ARID5A: variants seen among roughly 807,000 people sequenced by gnomAD.
ARID5A encodes the protein AT-rich interactive domain-containing protein 5A.
Under a neutral mutation model 30.5 loss-of-function variants are expected in ARID5A, and 14 were observed. The ratio of observed to expected loss-of-function variants is 0.46; its 90% CI spans 0.30 to 0.72. The LOEUF (loss-of-function observed/expected upper bound fraction) is 0.72, where lower values mean the gene tolerates loss of function less well. Ranked by LOEUF, ARID5A falls within the 30% of genes least tolerant of loss-of-function variation. The pLI, the probability that ARID5A is intolerant of heterozygous loss-of-function variation, is 0.07. For synonymous variants in ARID5A, 338 were observed against 340.4 expected (o/e 0.99, Z 0.08); for missense variants, 669 against 786.2 (o/e 0.85, Z 1.78).
intron 1 of ARID5A, among the ~76,000 whole-genome samples, chr2:96,543,687 C>G (rs1215087514): frequency 6.6e-6 from 1 of 152,198 alleles, no homozygotes; most frequent in Admixed American, 6.5e-5. Flanking sequence ...TCTTTCTCTT[C>G]TTTGGCCTCC....
chr2:96,542,983 G>A (rs116333707), intron 1 of ARID5A, among the ~76,000 whole-genome samples: 1,551 of 152,320 alleles, frequency 0.01, 24 homozygotes, highest in African/African-American at 0.035. Flanking sequence ...CTGAAGCACA[G>A]AGTCACAGAG....
In ARID5A at chr2:96,552,143, C is replaced by A. The variant is rs2066063972; in HGVS notation, c.1615C>A (p.Leu539Met). 1 of 1,612,884 alleles carries A rather than the reference C, an allele frequency of 6.2e-7. No homozygotes were observed. Among genetic ancestry groups the A allele is most frequent in the East Asian group, 2.2e-5 (1 of 44,878 alleles). The stretch of plus-strand genomic sequence containing the variant: ...CATCCCGGCCTTCCCGGCCCACTTC[C>A]TGGCCACCGCAGGCCCCTCGCCCAT... ...LVIPAFPAHF[L>M]ATAGPSPMAA... Residue 539 changes from leucine (L) to methionine (M), a missense_variant, in exon 7 of 7, where the codon CTG becomes ATG. By Grantham distance (15) the Leu-to-Met change is conservative (BLOSUM62 2). Transcript: ENST00000357485.
chr2:96,541,299 GTGTTTT>G (rs889614201), intron 1 of ARID5A, among the ~76,000 whole-genome samples: 4 of 152,196 alleles, frequency 2.6e-5, no homozygotes, highest in African/African-American at 7.2e-5. Context: ...GCCTCCCAAA[GTGTTTT>G]TGTTTTTGTT....
Position 96,549,660 on chromosome 2 carries a change from C to A in ARID5A, c.260-93C>A. 3 of 1,582,822 alleles carry A rather than the reference C, an allele frequency of 1.9e-6. No homozygotes were observed. In the South Asian group the frequency reaches 3.3e-5, roughly 18 times the overall value. On this transcript the variant is annotated intron_variant, in intron 3 of 6. Coordinates refer to ENST00000357485, the MANE Select transcript of ARID5A (RefSeq NM_212481.3). The surrounding 1 kb of genome is among the most constrained non-coding windows in gnomAD (Gnocchi z 6.1). ...TGGCCCTGGCTGGGTGTGTGCTGGT[C>A]TGTGCCTGGCCTGTCAGGGCACCAG...
intron 1 of ARID5A, among the ~76,000 whole-genome samples, chr2:96,546,902 G>C (rs573166205): frequency 9.2e-5 from 14 of 152,292 alleles, no homozygotes; most frequent in Middle Eastern, 3.4e-3. Context: ...CTCTGTGTCT[G>C]AGCATGGGGC....
intron 1 of ARID5A, among the ~76,000 whole-genome samples, chr2:96,542,007 G>A (rs182533170): frequency 3.2e-4 from 49 of 152,278 alleles, no homozygotes; most frequent in African/African-American, 9.4e-4. Context: ...ACCCCACCAT[G>A]CAGGTCCTGC....
intron 1 of ARID5A, among the ~76,000 whole-genome samples, chr2:96,545,655 C>CT (rs1457111703): frequency 6.6e-5 from 10 of 151,972 alleles, no homozygotes; most frequent in Non-Finnish European, 1.2e-4. Flanking sequence ...ATGGAGAAGT[C>CT]TTTCATGAAA....
chr2:96,549,030 G>T lies in ARID5A; in HGVS notation c.121-291G>T, dbSNP rs142642622. ...AAGACAGAGAAGTGACCCTGGCCTG[G>T]AGAAGGCTGGGGACTGCTCTCGTGG... On this transcript the variant is annotated intron_variant, in intron 2 of 6. Transcript: ENST00000357485. This position sits in a 1 kb window ranked among gnomAD's most constrained non-coding sequence, Gnocchi z 6.1. 1.3e-5 allele frequency among the ~76,000 whole-genome samples: 2 copies of T among 152,320 alleles called. No individual in the cohort carries two copies. Among genetic ancestry groups the T allele is most frequent in the East Asian group, 3.9e-4 (2 of 5,174 alleles).
intron 1 of ARID5A, among the ~76,000 whole-genome samples, chr2:96,544,137 A>T (rs1401950811): frequency 6.6e-6 from 1 of 152,256 alleles, no homozygotes; most frequent in Non-Finnish European, 1.5e-5. Context: ...GGAAGCTAGC[A>T]GAGGTTGCTT....
chr2:96,543,027 A>G (rs2065871704), intron 1 of ARID5A, among the ~76,000 whole-genome samples: 1 of 152,202 alleles, frequency 6.6e-6, no homozygotes, highest in African/African-American at 2.4e-5. Flanking sequence ...CTGCTGGGTC[A>G]CTTGTTAGTA....
At chr2:96,548,913 C>A (rs529345591) in intron 2 of ARID5A, among the ~76,000 whole-genome samples, 10 of 152,324 alleles carry the variant, frequency 6.6e-5, no homozygotes, top group African/African-American at 2.4e-4. Context: ...TTTCCCTCTG[C>A]GGTTATGGGG....
chr2:96,538,403 C>T, intron 1 of ARID5A: 1 of 909,852 alleles, frequency 1.1e-6, no homozygotes, highest in South Asian at 5.1e-5. Flanking sequence ...CTTTCTGTAC[C>T]CTCTGGTGGC....
intron 1 of ARID5A, among the ~76,000 whole-genome samples, chr2:96,541,064 A>C (rs1404753700): frequency 7.2e-6 from 1 of 137,962 alleles, no homozygotes; most frequent in Non-Finnish European, 1.5e-5. Flanking sequence ...TTTGAGAAGG[A>C]ATCTCGCTCT....
chr2:96,548,802 C>T (rs2104698318), intron 2 of ARID5A, among the ~76,000 whole-genome samples: 1 of 152,352 alleles, frequency 6.6e-6, no homozygotes, highest in African/African-American at 2.4e-5. Context: ...TCCCTGTGCT[C>T]AGCACGGCAG....
chr2:96,545,964 A>G (rs2065920896), intron 1 of ARID5A, among the ~76,000 whole-genome samples: 1 of 152,132 alleles, frequency 6.6e-6, no homozygotes, highest in Non-Finnish European at 1.5e-5. Context: ...AAAAAAAAAA[A>G]AAGAGTTAAT....
At chr2:96,538,704 C>T (rs2065789780) in intron 1 of ARID5A, among the ~76,000 whole-genome samples, 1 of 152,254 alleles carries the variant, frequency 6.6e-6, no homozygotes, top group African/African-American at 2.4e-5. Context: ...CCAGCTCAAG[C>T]TTAGAGAAAC....
rs1046576050 is a variant in ARID5A at position 96,536,812 on chromosome 2, G to A, written c.-15G>A. ...TGAGGGTCTCGGGGCGGGCGCCGCG[G>A]GACCTCTCCGGGCCATGGGTAAGCG... On this transcript the variant is annotated 5_prime_UTR_variant, in exon 1 of 7. Transcript: ENST00000357485. The A allele has an allele frequency of 8.1e-7, 1 of 1,227,268 alleles. No individual in the cohort carries two copies. The highest frequency in any genetic ancestry group is 1.0e-6 in the Non-Finnish European group (1 of 984,938). 76.0% of individuals were successfully genotyped at this position (1,227,268 alleles called of 1,614,324 possible).
At chr2:96,543,071 T>C (rs1364972592) in intron 1 of ARID5A, among the ~76,000 whole-genome samples, 7 of 152,216 alleles carry the variant, frequency 4.6e-5, no homozygotes, top group Admixed American at 4.6e-4. Context: ...GGTCAGAGGC[T>C]AGCCCAAGAG....
rs1379762149 is a variant in ARID5A at position 96,551,477 on chromosome 2, G to A, written c.949G>A (p.Gly317Arg). The change falls in exon 7 of 7, where the codon GGA (glycine) becomes AGA (arginine). Residue 317 changes from glycine (G) to arginine (R), a missense_variant. By Grantham distance (125) the Gly-to-Arg change is moderately radical. Transcript: ENST00000357485. ...NSRHRLTPQE[G>R]LQAPGGSLRE... ...CAGGCACCGGCTGACCCCTCAGGAG[G>A]GATTGCAGGCCCCAGGTGGCAGCCT... The A allele has an allele frequency of 1.3e-6, 2 of 1,589,326 alleles. No homozygotes were observed. The highest frequency in any genetic ancestry group is 1.8e-4 in the Middle Eastern group (1 of 5,668).
Sources: gnomAD v4.1 joint callset for allele counts (sites outside exome capture counted in the v4.1 genomes callset) on GRCh38, gnomAD v4.1.1 for gene constraint, Gnocchi (gnomAD v3.1) non-coding constraint, MANE v1.5 for transcripts, NCBI Gene and HGNC (gene_info 2026-07-23, HGNC 2026-07-21) for gene names.